The following DTNA variants were observed in gnomAD, a reference collection of about 807,000 sequenced individuals.
DTNA encodes dystrobrevin alpha.
A neutral mutation model predicts 100.7 loss-of-function variants in DTNA; 43 were observed. The ratio of observed to expected loss-of-function variants is 0.43; its 90% CI spans 0.33 to 0.55. The LOEUF (loss-of-function observed/expected upper bound fraction) is 0.55. Among genes scored for constraint, DTNA ranks in the 20% least tolerant of loss-of-function variants. DTNA has a pLI of 0.04. For synonymous variants in DTNA, 349 were observed against 347.9 expected (o/e 1.00, Z -0.04); for missense variants, 798 against 953.9 (o/e 0.84, Z 2.15).
intron 1 of DTNA, among the ~76,000 whole-genome samples, chr18:34,631,605 G>A (rs568383241): frequency 2.0e-5 from 3 of 152,282 alleles, no homozygotes; most frequent in East Asian, 3.9e-4. Context: ...ATACAATGAC[G>A]TAGTCATGAA....
intron 1 of DTNA, among the ~76,000 whole-genome samples, chr18:34,563,744 A>G (rs1369083304): frequency 2.0e-5 from 3 of 152,222 alleles, no homozygotes; most frequent in Admixed American, 2.0e-4. Flanking sequence ...TCTCCACTGA[A>G]GTTGCCTTAA....
intron 10 of DTNA, 193 bp from the exon 11 acceptor site, chr18:34,829,207 A>G: frequency 1.3e-6 from 2 of 1,571,796 alleles, no homozygotes; most frequent in Non-Finnish European, 1.7e-6. Flanking sequence ...TCATTTTGGA[A>G]TGTTCTCTGT....
chr18:34,776,746 C>T (rs953346489), intron 3 of DTNA, among the ~76,000 whole-genome samples: 2 of 152,218 alleles, frequency 1.3e-5, no homozygotes, highest in African/African-American at 2.4e-5. Context: ...TGGCTCCCCA[C>T]TTCCCTCATG....
At chr18:34,681,991 C>G (rs1295659368) in intron 1 of DTNA, among the ~76,000 whole-genome samples, 1 of 152,156 alleles carries the variant, frequency 6.6e-6, no homozygotes, top group Non-Finnish European at 1.5e-5. Context: ...CACCCCTCAT[C>G]TTTTTACTGG....
chr18:34,748,483 A>G (rs2091930510), intron 1 of DTNA, among the ~76,000 whole-genome samples: 1 of 152,158 alleles, frequency 6.6e-6, no homozygotes, highest in African/African-American at 2.4e-5. Flanking sequence ...TGATTTCTTA[A>G]TAAGGTGAGA....
intron 1 of DTNA, among the ~76,000 whole-genome samples, chr18:34,725,469 T>A (rs1251492263): frequency 6.8e-6 from 1 of 146,586 alleles, no homozygotes; most frequent in Non-Finnish European, 1.5e-5. Context: ...AAAGAAGACA[T>A]TTATGCAGCC....
intron 8 of DTNA, among the ~76,000 whole-genome samples, chr18:34,819,621 G>A (rs2095664502): frequency 6.6e-6 from 1 of 152,080 alleles, no homozygotes; most frequent in Non-Finnish European, 1.5e-5. Flanking sequence ...TCTACATAAG[G>A]AGCCTCTTTC....
At chr18:34,642,419 C>T (rs2059374808) in intron 1 of DTNA, among the ~76,000 whole-genome samples, 1 of 152,168 alleles carries the variant, frequency 6.6e-6, no homozygotes, top group South Asian at 2.1e-4. Flanking sequence ...CATCTTACTA[C>T]CCAATCTTAC....
Position 34,890,043 on chromosome 18 carries a change from T to C in DTNA, c.*2309T>C. The C allele has an allele frequency of 2.3e-6, 3 of 1,305,842 alleles. No homozygotes were observed. The highest frequency in any genetic ancestry group is 2.9e-6 in the Non-Finnish European group (3 of 1,026,954). 80.9% of individuals were successfully genotyped at this position (1,305,842 alleles called of 1,614,324 possible). The stretch of plus-strand genomic sequence containing the variant: ...GCCAGGTAGTTCTTGAACTCAGAAC[T>C]TAAATCCTGCACGTGGCACTCCACC... On this transcript the variant is annotated 3_prime_UTR_variant, in exon 23 of 23. Transcript: ENST00000444659.
At position 34,515,228 on chromosome 18, in the gene DTNA, G is replaced by A. The variant is rs1254958895; in HGVS notation, c.-2+21714G>A. ...ACTGGTTTTGTTTGGCTTGTTAGAT[G>A]GCAAACTCCCTTGAGTTTTCTTCCC... On this transcript the variant is annotated intron_variant, in intron 1 of 19. Transcript: ENST00000283365. Among the ~76,000 whole-genome samples, 4 of 151,928 alleles carry A rather than the reference G, an allele frequency of 2.6e-5. No homozygotes were observed. The East Asian group carries it at 7.7e-4, about 29-fold the overall frequency.
intron 6 of DTNA, among the ~76,000 whole-genome samples, chr18:34,812,449 A>G (rs1348746942): frequency 6.6e-6 from 1 of 152,236 alleles, no homozygotes; most frequent in African/African-American, 2.4e-5. Context: ...TTATAAAGAA[A>G]AGAGGTTTAA....
At chr18:34,647,036 T>C (rs2059928173) in intron 1 of DTNA, among the ~76,000 whole-genome samples, 1 of 151,572 alleles carries the variant, frequency 6.6e-6, no homozygotes, top group African/African-American at 2.4e-5. Flanking sequence ...CTTAAGAGGC[T>C]CACAGCCTTC....
chr18:34,580,018 T>C (rs988593183), intron 1 of DTNA, among the ~76,000 whole-genome samples: 16 of 152,158 alleles, frequency 1.1e-4, no homozygotes, highest in African/African-American at 3.9e-4. Context: ...TCTTTTTTTT[T>C]CTCTAGTGTT....
intron 1 of DTNA, among the ~76,000 whole-genome samples, chr18:34,531,586 G>GTAAATTA: frequency 6.6e-6 from 1 of 152,124 alleles, no homozygotes; most frequent in Non-Finnish European, 1.5e-5. Context: ...TACATTCTAT[G>GTAAATTA]TAAATTATTT....
intron 1 of DTNA, among the ~76,000 whole-genome samples, chr18:34,549,051 T>C (rs1047989475): frequency 6.6e-6 from 1 of 152,128 alleles, no homozygotes; most frequent in African/African-American, 2.4e-5. Context: ...AACAAGTCCC[T>C]CTCAATCCCC....
At chr18:34,622,632 A>G (rs1233746858) in intron 1 of DTNA, among the ~76,000 whole-genome samples, 5 of 152,164 alleles carry the variant, frequency 3.3e-5, no homozygotes, top group Non-Finnish European at 7.4e-5. Flanking sequence ...AGAGAACCAA[A>G]ACAGAGACAA....
chr18:34,582,356 C>T (rs543529767), intron 1 of DTNA, among the ~76,000 whole-genome samples: 11 of 152,274 alleles, frequency 7.2e-5, no homozygotes, highest in East Asian at 1.9e-4. Flanking sequence ...GCAGTCTCAA[C>T]GCCTTTTGAG....
chr18:34,871,595 T>C (rs1374811646), intron 17 of DTNA, among the ~76,000 whole-genome samples: 4 of 152,196 alleles, frequency 2.6e-5, no homozygotes, highest in Non-Finnish European at 5.9e-5. Flanking sequence ...CCATGCCTCA[T>C]GACCAGGCTG....
At chr18:34,842,814 A>G (rs145481997) in intron 13 of DTNA, among the ~76,000 whole-genome samples, 29 of 152,138 alleles carry the variant, frequency 1.9e-4, no homozygotes, top group Non-Finnish European at 3.4e-4. Context: ...TCTTCTTATC[A>G]GCTGCAGTCA....
Sources: allele counts gnomAD v4.1 joint callset (sites outside exome capture counted in the v4.1 genomes callset), GRCh38; gene constraint gnomAD v4.1.1; transcripts MANE v1.5; gene names NCBI Gene and HGNC (gene_info 2026-07-23, HGNC 2026-07-21).